Variants in IBTK observed in about 807,000 individuals in gnomAD.
The protein encoded by IBTK is BTK-binding protein.
A neutral mutation model predicts 154.9 loss-of-function variants in IBTK; 83 were observed. That is an observed-to-expected ratio of 0.54 (90% CI 0.45 to 0.64). IBTK has a LOEUF of 0.64. Among genes scored for constraint, IBTK ranks in the 30% least tolerant of loss-of-function variants. The pLI is 0.00. For synonymous variants in IBTK, 515 were observed against 536.1 expected (o/e 0.96, Z 0.54); for missense variants, 1,332 against 1,584.6 (o/e 0.84, Z 2.71).
intron 27 of IBTK, 177 bp downstream of exon 27, chr6:82,173,190 C>G (rs1244986032): frequency 2.1e-5 from 9 of 431,520 alleles, no homozygotes; most frequent in Non-Finnish European, 3.7e-5. Flanking sequence ...TTAGTAAAGA[C>G]AGGGTTTTGC....
In IBTK at chr6:82,200,235, T is replaced by C; in HGVS notation, c.2931A>G (p.Lys977=). 4 of 1,613,144 alleles carry C rather than the reference T, an allele frequency of 2.5e-6. No homozygotes were observed. Among genetic ancestry groups the C allele is most frequent in the Non-Finnish European group, 3.4e-6 (4 of 1,179,262 alleles). The change falls in exon 21 of 29, where the codon AAA becomes AAG. Residue 977 remains lysine, a synonymous_variant. Coordinates refer to ENST00000306270, the MANE Select transcript of IBTK (RefSeq NM_015525.4). ...GCTTCTTTTTAGCTTTTGTTTTTGC[T>C]TTCTTGAACATAGTTTCCCTAGGAA... The part of the protein sequence containing the change: ...EQNHSETMFK[K]AKTKAKKKPR...
At chr6:82,225,685 C>T (rs1168790749) in intron 5 of IBTK, 38 bp from the exon 6 acceptor site, 1 of 1,445,696 alleles carries the variant, frequency 6.9e-7, no homozygotes, top group Non-Finnish European at 9.5e-7. Context: ...CTACATTAAC[C>T]ATTTATACAG....
chr6:82,204,944 C>G lies in IBTK; in HGVS notation c.2524G>C (p.Asp842His). Residue 842 changes from aspartate to histidine, a missense_variant, in exon 17 of 29, where the codon GAT becomes CAT. Transcript: ENST00000306270. ...ACCACAAGAACACTACAAATAAAAT[C>G]TACATTTTGAGATTCTAAAAAAAGA... The part of the protein sequence containing the change: ...AVVIKESQNV[D>H]FICSVLVVAD... 1 of 1,591,410 alleles carries G rather than the reference C, an allele frequency of 6.3e-7. No individual in the cohort carries two copies. Among genetic ancestry groups the G allele is most frequent in the East Asian group, 2.3e-5 (1 of 44,228 alleles).
chr6:82,188,041 A>G (rs1348080033), intron 25 of IBTK, among the ~76,000 whole-genome samples: 7 of 152,202 alleles, frequency 4.6e-5, no homozygotes, highest in African/African-American at 1.4e-4. Context: ...GCTGCTCTTT[A>G]GAAAAACTGA....
chr6:82,179,239 GA>G (rs1478858060), intron 26 of IBTK, among the ~76,000 whole-genome samples: 1 of 152,188 alleles, frequency 6.6e-6, no homozygotes, highest in Non-Finnish European at 1.5e-5. Flanking sequence ...AAGTGCCAAA[GA>G]CACAAATTCT....
chr6:82,184,605 A>G (rs1265341512), intron 25 of IBTK, among the ~76,000 whole-genome samples: 1 of 152,214 alleles, frequency 6.6e-6, no homozygotes, highest in East Asian at 1.9e-4. Flanking sequence ...GCAAAAACCC[A>G]GTTATCCCTA....
At chr6:82,229,334 CA>C (rs1348139299) in intron 4 of IBTK, among the ~76,000 whole-genome samples, 7 of 152,050 alleles carry the variant, frequency 4.6e-5, no homozygotes, top group Non-Finnish European at 8.8e-5. Context: ...TCAAATATTC[CA>C]AACTATATAT....
At chr6:82,240,955 TTAGTGTTCCATTACTGGAACAC>T (rs1355179659) in intron 1 of IBTK, 112 bp from the exon 2 acceptor site, 3 of 396,174 alleles carry the variant, frequency 7.6e-6, no homozygotes, top group African/African-American at 6.2e-5. Flanking sequence ...CCATTTATGC[TTAGTGTTCCATTACTGGAACAC>T]TAAGCTTACG....
intron 11 of IBTK, among the ~76,000 whole-genome samples, chr6:82,215,618 C>A (rs1769838933): frequency 6.6e-6 from 1 of 151,824 alleles, no homozygotes; most frequent in African/African-American, 2.4e-5. Flanking sequence ...AAAACCCCAT[C>A]TCTACTAAAA....
At chr6:82,241,244 T>C (rs1416180223) in intron 1 of IBTK, among the ~76,000 whole-genome samples, 1 of 152,138 alleles carries the variant, frequency 6.6e-6, no homozygotes, top group African/African-American at 2.4e-5. Flanking sequence ...TGCTGTATTT[T>C]TACACTCTAC....
chr6:82,229,608 C>T (rs1770427147), intron 4 of IBTK, among the ~76,000 whole-genome samples: 1 of 152,090 alleles, frequency 6.6e-6, no homozygotes, highest in African/African-American at 2.4e-5. Context: ...AACTGACTAG[C>T]ATGTCTGCAA....
chr6:82,194,674 C>G, intron 22 of IBTK, 32 bp from the exon 23 acceptor site: 1 of 1,522,206 alleles, frequency 6.6e-7, no homozygotes, highest in Non-Finnish European at 8.8e-7. Flanking sequence ...AAAAAGTTAA[C>G]AGGCACCTAG....
In IBTK at chr6:82,204,418, A is replaced by G. The variant is rs550568553; in HGVS notation, c.2611+439T>C. Among the ~76,000 whole-genome samples the G allele has an allele frequency of 9.0e-4, 137 of 152,290 alleles. 1 individual carries two copies. Among genetic ancestry groups the G allele is most frequent in the Non-Finnish European group, 1.1e-3 (74 of 68,002 alleles). The stretch of plus-strand genomic sequence containing the variant: ...GATAATGAAGAGAGCAAGAAAGAAG[A>G]GTTCAAGAAAAAAAGAGATGTGCTT... On this transcript the variant is annotated intron_variant, in intron 17 of 28. Coordinates refer to ENST00000306270, the MANE Select transcript of IBTK (RefSeq NM_015525.4).
Position 82,235,899 on chromosome 6 carries a change from A to C in IBTK, c.322-1644T>G, listed in dbSNP as rs1164766917. Among the ~76,000 whole-genome samples, 6 of 152,012 alleles carry C rather than the reference A, an allele frequency of 3.9e-5. No individual in the cohort carries two copies. The East Asian group carries it at 1.2e-3, about 30-fold the overall frequency. ...GTTTTTTTTGGTTTTTTTGAGACGG[A>C]GTCTTGCTCTGTCACCCAGGCTGGA... On this transcript the variant is annotated intron_variant, in intron 2 of 28. Coordinates refer to ENST00000306270, the MANE Select transcript of IBTK (RefSeq NM_015525.4).
At chr6:82,184,248 A>G (rs1054671640) in intron 25 of IBTK, among the ~76,000 whole-genome samples, 1 of 152,316 alleles carries the variant, frequency 6.6e-6, no homozygotes, top group East Asian at 1.9e-4. Flanking sequence ...TTTATGGAGA[A>G]GAATTTTAGA....
Position 82,234,745 on chromosome 6 carries a change from T to C in IBTK, c.322-490A>G, listed in dbSNP as rs564030316. 3.9e-5 allele frequency among the ~76,000 whole-genome samples: 6 copies of C among 152,270 alleles called. No homozygotes were observed. The East Asian group carries it at 1.2e-3, about 29-fold the overall frequency. ...TATTCACACACATTTTTCTCTCACA[T>C]ACTGCAGAGAATAATTAAGAAAAAT... On this transcript the variant is annotated intron_variant, in intron 2 of 28. Coordinates refer to ENST00000306270, the MANE Select transcript of IBTK (RefSeq NM_015525.4).
intron 8 of IBTK, among the ~76,000 whole-genome samples, chr6:82,221,534 A>G (rs1770101432): frequency 6.6e-6 from 1 of 152,208 alleles, no homozygotes; most frequent in South Asian, 2.1e-4. Flanking sequence ...ATTTCATTAT[A>G]TCTGCACATT....
intron 26 of IBTK, among the ~76,000 whole-genome samples, chr6:82,180,654 G>GA (rs1184308042): frequency 6.6e-6 from 1 of 152,180 alleles, no homozygotes; most frequent in African/African-American, 2.4e-5. Context: ...TGTATTGCAA[G>GA]AAAACGGCTC....
chr6:82,208,735 C>A (rs1222190572), intron 16 of IBTK, among the ~76,000 whole-genome samples: 1 of 151,968 alleles, frequency 6.6e-6, no homozygotes, highest in Non-Finnish European at 1.5e-5. Context: ...TGGAATAAGA[C>A]CCTGTCTCAA....
Sources: gnomAD v4.1 joint callset for allele counts (sites outside exome capture counted in the v4.1 genomes callset) on GRCh38, gnomAD v4.1.1 for gene constraint, MANE v1.5 for transcripts, NCBI Gene and HGNC (gene_info 2026-07-23, HGNC 2026-07-21) for gene names.